The following XKR6 variants were observed in gnomAD, a reference collection of about 807,000 sequenced individuals.
XKR6 encodes the protein XK related 6.
In XKR6, 22 loss-of-function variants were observed where a neutral mutation model predicts 56.7. The ratio of observed to expected loss-of-function variants is 0.39; its 90% CI spans 0.28 to 0.55. XKR6 has a LOEUF of 0.55. Ranked by LOEUF, XKR6 falls within the 20% of genes least tolerant of loss-of-function variation. The pLI is 0.66. For synonymous variants in XKR6, 524 were observed against 387.8 expected (o/e 1.35, Z -4.13); for missense variants, 852 against 889.0 (o/e 0.96, Z 0.53).
intron 1 of XKR6, among the ~76,000 whole-genome samples, chr8:11,187,558 G>A (rs932482782): frequency 1.3e-5 from 2 of 152,022 alleles, no homozygotes; most frequent in Non-Finnish European, 2.9e-5. Context: ...GCATGTTAAC[G>A]TTTTGAAGCT....
At chr8:10,971,635 G>T (rs766336198) in intron 1 of XKR6, among the ~76,000 whole-genome samples, 11 of 152,042 alleles carry the variant, frequency 7.2e-5, no homozygotes, top group Non-Finnish European at 5.9e-5. Flanking sequence ...CAGTGGTTTG[G>T]CCCTGCCCAG....
chr8:11,006,072 G>C (rs1798361808), intron 1 of XKR6, among the ~76,000 whole-genome samples: 1 of 152,020 alleles, frequency 6.6e-6, no homozygotes, highest in Non-Finnish European at 1.5e-5. Context: ...TCGAACTCCT[G>C]ACCTCAAGTG....
At chr8:11,167,136 C>G (rs1563188853) in intron 1 of XKR6, among the ~76,000 whole-genome samples, 1 of 152,138 alleles carries the variant, frequency 6.6e-6, no homozygotes, top group Non-Finnish European at 1.5e-5. Flanking sequence ...AGTGCCCATA[C>G]ACCTCCCTGC....
chr8:11,141,533 G>A (rs1480543029), intron 1 of XKR6, among the ~76,000 whole-genome samples: 1 of 152,244 alleles, frequency 6.6e-6, no homozygotes, highest in African/African-American at 2.4e-5. Flanking sequence ...TAGAGGATAG[G>A]TGGCTTGCAA....
At chr8:11,022,388 G>A (rs1006123410) in intron 1 of XKR6, among the ~76,000 whole-genome samples, 16 of 152,156 alleles carry the variant, frequency 1.1e-4, no homozygotes, top group African/African-American at 3.9e-4. Flanking sequence ...TACCTGCAGC[G>A]ACCCAAAACT....
chr8:11,132,273 G>C (rs1800140925), intron 1 of XKR6, among the ~76,000 whole-genome samples: 1 of 152,162 alleles, frequency 6.6e-6, no homozygotes, highest in Non-Finnish European at 1.5e-5. Context: ...GGTACTTACA[G>C]AGCTACTGTC....
chr8:11,182,408 T>C (rs1803037901), intron 1 of XKR6, among the ~76,000 whole-genome samples: 1 of 152,212 alleles, frequency 6.6e-6, no homozygotes. Flanking sequence ...AGGACTAACT[T>C]TGTACCTGGT....
intron 1 of XKR6, among the ~76,000 whole-genome samples, chr8:10,985,395 C>T (rs552275672): frequency 2.0e-5 from 3 of 152,004 alleles, no homozygotes; most frequent in Non-Finnish European, 4.4e-5. Context: ...CTTCTTCTGC[C>T]ATGATTGTAA....
At chr8:10,951,431 G>T (rs1017074364) in intron 1 of XKR6, among the ~76,000 whole-genome samples, 17 of 152,196 alleles carry the variant, frequency 1.1e-4, no homozygotes, top group Middle Eastern at 3.2e-3. Flanking sequence ...CAGCGAGAAG[G>T]CTGGGAAGGT....
intron 1 of XKR6, among the ~76,000 whole-genome samples, chr8:11,000,589 G>C (rs1013337523): frequency 1.3e-5 from 2 of 152,186 alleles, no homozygotes; most frequent in Admixed American, 6.5e-5. Flanking sequence ...GGAGGCTGAG[G>C]TGGGAGAATT....
At chr8:11,148,490 G>A (rs1162164625) in intron 1 of XKR6, among the ~76,000 whole-genome samples, 2 of 152,136 alleles carry the variant, frequency 1.3e-5, no homozygotes, top group African/African-American at 2.4e-5. Context: ...TTGTTTAAGC[G>A]CCCCAGTTTG....
chr8:10,968,434 C>G (rs947568744), intron 1 of XKR6, among the ~76,000 whole-genome samples: 2 of 152,250 alleles, frequency 1.3e-5, no homozygotes, highest in African/African-American at 4.8e-5. Context: ...CTCTCCCCAG[C>G]TTTGTGCCCT....
chr8:10,945,414 G>C (rs1801505350), intron 1 of XKR6, among the ~76,000 whole-genome samples: 1 of 152,160 alleles, frequency 6.6e-6, no homozygotes, highest in South Asian at 2.1e-4. Flanking sequence ...AACTCGGGAG[G>C]TGGAAGTTGG....
chr8:10,959,622 C>T (rs1802002278), intron 1 of XKR6, among the ~76,000 whole-genome samples: 1 of 152,100 alleles, frequency 6.6e-6, no homozygotes, highest in African/African-American at 2.4e-5. Flanking sequence ...GGACACTAAT[C>T]CGTTGCTGAG....
intron 1 of XKR6, among the ~76,000 whole-genome samples, chr8:11,000,867 A>G (rs983415290): frequency 6.6e-6 from 1 of 152,144 alleles, no homozygotes; most frequent in Non-Finnish European, 1.5e-5. Flanking sequence ...ATGAGATTCC[A>G]CGAACACTTT....
intron 1 of XKR6, among the ~76,000 whole-genome samples, chr8:10,927,302 G>A (rs977359989): frequency 1.3e-4 from 20 of 152,156 alleles, no homozygotes; most frequent in African/African-American, 3.4e-4. Flanking sequence ...GGAGAGCTGT[G>A]TGCTGAGTGG....
At chr8:11,141,627 G>T (rs1306379615) in intron 1 of XKR6, among the ~76,000 whole-genome samples, 2 of 152,148 alleles carry the variant, frequency 1.3e-5, no homozygotes, top group African/African-American at 4.8e-5. Context: ...CAGCAACTAG[G>T]CTCCAGTTGG....
In XKR6 at chr8:10,938,246, G is replaced by A. The variant is rs1801285142; in HGVS notation, c.765-13416C>T. Among the ~76,000 whole-genome samples the A allele has an allele frequency of 2.0e-5, 3 of 152,164 alleles. No individual in the cohort carries two copies. In the South Asian group the frequency reaches 6.2e-4, roughly 32 times the overall value. ...CGCTTCCCAGGTGAGACAATGCCTC[G>A]CCCTGCTTCGGCTCGCGCACGGTGC... On this transcript the variant is annotated intron_variant, in intron 1 of 2. Coordinates refer to ENST00000416569, the MANE Select transcript of XKR6 (RefSeq NM_173683.4).
chr8:11,117,347 A>T (rs1799230811), intron 1 of XKR6, among the ~76,000 whole-genome samples: 7 of 152,194 alleles, frequency 4.6e-5, no homozygotes, highest in Admixed American at 4.6e-4. Context: ...AACCAACAGC[A>T]TTCTTAATTT....
Sources: allele counts gnomAD v4.1 joint callset (sites outside exome capture counted in the v4.1 genomes callset), GRCh38; gene constraint gnomAD v4.1.1; transcripts MANE v1.5; gene names NCBI Gene and HGNC (gene_info 2026-07-23, HGNC 2026-07-21).